SGCZ: variants seen among roughly 807,000 people sequenced by gnomAD.
SGCZ encodes the protein sarcoglycan zeta.
In SGCZ, 40 loss-of-function variants were observed where a neutral mutation model predicts 41.3. That is an observed-to-expected ratio of 0.97 (90% CI 0.75 to 1.26). The LOEUF is 1.26. Among genes scored for constraint, SGCZ ranks in the 50% most tolerant of loss-of-function variants. The pLI is 0.00. For synonymous variants in SGCZ, 206 were observed against 137.5 expected, an observed-to-expected ratio of 1.50 and a Z score of -3.49; for missense variants, 552 against 369.8, an observed-to-expected ratio of 1.49 and a Z score of -4.04.
At chr8:14,214,239 A>G (rs1431128411) in intron 4 of SGCZ, among the ~76,000 whole-genome samples, 1 of 152,176 alleles carries the variant, frequency 6.6e-6, no homozygotes, top group Non-Finnish European at 1.5e-5. Context: ...GCAGTCTACA[A>G]AACACAAACC....
chr8:14,581,471 G>A (rs1292592465), intron 1 of SGCZ, among the ~76,000 whole-genome samples: 1 of 150,874 alleles, frequency 6.6e-6, no homozygotes, highest in Non-Finnish European at 1.5e-5. Flanking sequence ...CCCCCACAGT[G>A]CTCAATGTGC....
chr8:14,111,974 G>T (rs1167664087), intron 5 of SGCZ, among the ~76,000 whole-genome samples: 1 of 152,076 alleles, frequency 6.6e-6, no homozygotes, highest in Admixed American at 6.6e-5. Context: ...TATTCTAAAT[G>T]CTATCTATAC....
chr8:14,401,773 C>T (rs148036215), intron 2 of SGCZ, among the ~76,000 whole-genome samples: 4,974 of 149,836 alleles, frequency 0.033, 265 homozygotes, highest in African/African-American at 0.12. Context: ...TTCATAGCAG[C>T]ATGATTTATA....
At chr8:14,576,544 G>T (rs1373972893) in intron 1 of SGCZ, among the ~76,000 whole-genome samples, 9 of 152,086 alleles carry the variant, frequency 5.9e-5, no homozygotes, top group Non-Finnish European at 1.3e-4. Context: ...GAATATGAAT[G>T]GAATTATTTT....
chr8:14,860,646 G>A (rs545936473), intron 1 of SGCZ, among the ~76,000 whole-genome samples: 1 of 140,480 alleles, frequency 7.1e-6, no homozygotes, highest in African/African-American at 2.6e-5. Context: ...AGAAAGAAAA[G>A]ACAGAAAAAG....
chr8:14,178,372 T>C (rs947908883), intron 4 of SGCZ, among the ~76,000 whole-genome samples: 6 of 152,216 alleles, frequency 3.9e-5, no homozygotes, highest in African/African-American at 1.4e-4. Context: ...CTATAGCAAC[T>C]GCCTTACTCA....
intron 1 of SGCZ, among the ~76,000 whole-genome samples, chr8:15,035,365 T>G (rs566658288): frequency 6.6e-6 from 1 of 152,040 alleles, no homozygotes; most frequent in East Asian, 1.9e-4. Flanking sequence ...ATATAAAAAG[T>G]AAAGTATCGA....
intron 1 of SGCZ, among the ~76,000 whole-genome samples, chr8:15,066,165 G>A (rs984603448): frequency 2.6e-4 from 40 of 151,792 alleles, no homozygotes; most frequent in East Asian, 1.4e-3. Context: ...AAAATTAGCC[G>A]GGCGCGGTGG....
chr8:14,975,573 C>A (rs573554493), intron 1 of SGCZ, among the ~76,000 whole-genome samples: 1 of 152,100 alleles, frequency 6.6e-6, no homozygotes, highest in Non-Finnish European at 1.5e-5. Flanking sequence ...TGTATCTTAA[C>A]ACGGGATTTT....
At chr8:15,124,254 AT>A (rs896397078) in intron 1 of SGCZ, among the ~76,000 whole-genome samples, 1 of 152,230 alleles carries the variant, frequency 6.6e-6, no homozygotes, top group African/African-American at 2.4e-5. Context: ...CTGCTCCAAT[AT>A]TTTAAAAGTA....
Position 14,775,735 on chromosome 8 carries a change from G to A in SGCZ, c.40-220809C>T, listed in dbSNP as rs552508187. ...GATGTGAAGTCATTTTGAAAAGAAA[G>A]GAAATAAGGTTAATTTTCAAAAAGG... is the stretch of plus-strand genomic sequence containing the variant. On this transcript the variant is annotated intron_variant, in intron 1 of 7. Transcript: ENST00000382080. Among the ~76,000 whole-genome samples the A allele has an allele frequency of 3.3e-5, 5 of 152,162 alleles. No individual in the cohort carries two copies. In the South Asian group the frequency reaches 1.0e-3, roughly 32 times the overall value.
intron 2 of SGCZ, among the ~76,000 whole-genome samples, chr8:14,328,332 A>G (rs1405091566): frequency 6.6e-6 from 1 of 152,196 alleles, no homozygotes; most frequent in Non-Finnish European, 1.5e-5. Flanking sequence ...TTTTCTGTTC[A>G]GGAAGACATT....
chr8:14,189,534 C>A (rs931248793), intron 4 of SGCZ, among the ~76,000 whole-genome samples: 1 of 152,164 alleles, frequency 6.6e-6, no homozygotes. Flanking sequence ...GATCCTTCAC[C>A]CTGACATGTT....
At chr8:14,870,727 CA>C (rs369022083) in intron 1 of SGCZ, among the ~76,000 whole-genome samples, 4,258 of 136,528 alleles carry the variant, frequency 0.031, 61 homozygotes, top group Middle Eastern at 0.044. Context: ...AACAAGTTTA[CA>C]AAAAAAAAAA....
rs530608616 is a variant in SGCZ, at chr8:14,450,735, G to C, written c.234+103997C>G. On this transcript the variant is annotated intron_variant, in intron 2 of 7. Transcript: ENST00000382080. ...TAGAAAGTTTAAAGCTCTCATCTCT[G>C]TCATTATGATGGATTTCTGTGCCAT... 1.9e-4 allele frequency among the ~76,000 whole-genome samples: 29 copies of C among 152,204 alleles called. 1 individual carries two copies. In the South Asian group the frequency reaches 6.0e-3, roughly 32 times the overall value.
At chr8:14,498,351 G>A (rs1324038245) in intron 2 of SGCZ, among the ~76,000 whole-genome samples, 3 of 151,872 alleles carry the variant, frequency 2.0e-5, no homozygotes, top group African/African-American at 7.3e-5. Context: ...TATTTTGTTG[G>A]GTTCCTTCAG....
At chr8:14,910,691 T>C (rs569178358) in intron 1 of SGCZ, among the ~76,000 whole-genome samples, 26 of 152,084 alleles carry the variant, frequency 1.7e-4, no homozygotes, top group East Asian at 9.6e-4. Flanking sequence ...TTGATTCTTT[T>C]AAAGCACTTT....
chr8:15,062,173 C>T (rs751351254), intron 1 of SGCZ, among the ~76,000 whole-genome samples: 19 of 152,068 alleles, frequency 1.2e-4, no homozygotes, highest in Non-Finnish European at 2.1e-4. Flanking sequence ...ATAAGAACTA[C>T]TCTCACTTTA....
chr8:15,232,946 C>A (rs74840204), intron 1 of SGCZ, among the ~76,000 whole-genome samples: 1 of 151,060 alleles, frequency 6.6e-6, no homozygotes, highest in East Asian at 1.9e-4. Flanking sequence ...ACAGTATAAC[C>A]CATAAATGTA....
Sources: allele counts gnomAD v4.1 joint callset (sites outside exome capture counted in the v4.1 genomes callset), GRCh38; gene constraint gnomAD v4.1.1; transcripts MANE v1.5; gene names NCBI Gene and HGNC (gene_info 2026-07-23, HGNC 2026-07-21).